Variants in LARGE1 observed in about 807,000 individuals in gnomAD.
LARGE1 encodes the protein LARGE xylosyl- and glucuronyltransferase 1.
A neutral mutation model predicts 87.6 loss-of-function variants in LARGE1; 43 were observed. That is an observed-to-expected ratio of 0.49 (90% CI 0.38 to 0.63). LARGE1 has a LOEUF of 0.63. Ranked by LOEUF, LARGE1 falls within the 30% of genes least tolerant of loss-of-function variation. The pLI is 0.00. For missense variants in LARGE1, 802 were observed against 1,000.2 expected (o/e 0.80, Z 2.67); for synonymous variants, 434 against 394.6 (o/e 1.10, Z -1.18).
chr22:33,166,484 T>C, exon 12 of LARGE1: 1 of 304,024 alleles, frequency 3.3e-6, no homozygotes, highest in Non-Finnish European at 6.5e-6. Flanking sequence ...ACGGGGATGT[T>C]CACCTGGCAT....
intron 6 of LARGE1, among the ~76,000 whole-genome samples, chr22:33,475,952 A>T (rs1048846963): frequency 6.6e-6 from 1 of 152,220 alleles, no homozygotes; most frequent in Non-Finnish European, 1.5e-5. Flanking sequence ...GCCAAAGATA[A>T]AAGTCAAGCT....
chr22:33,254,491 C>A (rs970578981), intron 11 of LARGE1, among the ~76,000 whole-genome samples: 1 of 152,178 alleles, frequency 6.6e-6, no homozygotes, highest in Non-Finnish European at 1.5e-5. Flanking sequence ...CCGTGCTAAG[C>A]AAATGTGCTA....
At chr22:33,323,036 C>T (rs1042991328) in intron 10 of LARGE1, among the ~76,000 whole-genome samples, 26 of 152,218 alleles carry the variant, frequency 1.7e-4, no homozygotes, top group African/African-American at 5.8e-4. Flanking sequence ...GCAGGAGAAT[C>T]GTTTGAACCT....
chr22:33,822,317 C>T (rs1298317590), intron 1 of LARGE1, among the ~76,000 whole-genome samples: 3 of 152,198 alleles, frequency 2.0e-5, no homozygotes, highest in African/African-American at 7.2e-5. Context: ...GCTCAGGTTT[C>T]TGGCCGGCAT....
intron 6 of LARGE1, among the ~76,000 whole-genome samples, chr22:33,527,945 C>T (rs755495113): frequency 1.3e-5 from 2 of 152,100 alleles, no homozygotes; most frequent in African/African-American, 4.8e-5. Context: ...TTGAACAGAT[C>T]TTAATCTTTC....
chr22:33,634,221 G>A (rs531440802), intron 3 of LARGE1, among the ~76,000 whole-genome samples: 6 of 152,280 alleles, frequency 3.9e-5, no homozygotes, highest in African/African-American at 4.8e-5. Flanking sequence ...CATGGAGTAA[G>A]TGGCTCTCCA....
At chr22:33,828,886 C>T (rs2062876842) in intron 1 of LARGE1, among the ~76,000 whole-genome samples, 1 of 152,132 alleles carries the variant, frequency 6.6e-6, no homozygotes, top group Non-Finnish European at 1.5e-5. Context: ...GGTCCGTGTA[C>T]TTGCTATTCC....
chr22:33,141,702 C>T, the LARGE1 span, among the ~76,000 whole-genome samples: 1 of 152,156 alleles, frequency 6.6e-6, no homozygotes, highest in Admixed American at 6.5e-5. Flanking sequence ...CAAGCACCCA[C>T]TCTACATACA....
chr22:33,312,629 C>T (rs1459899752), intron 11 of LARGE1, among the ~76,000 whole-genome samples: 1 of 152,042 alleles, frequency 6.6e-6, no homozygotes, highest in Admixed American at 6.5e-5. Context: ...GAATATTTTG[C>T]TGATAATCTG....
At chr22:33,767,066 C>A (rs2084931025) in intron 1 of LARGE1, among the ~76,000 whole-genome samples, 1 of 150,906 alleles carries the variant, frequency 6.6e-6, no homozygotes, top group Non-Finnish European at 1.5e-5. Context: ...GTAATCTCAG[C>A]ACTTTGGGAG....
chr22:33,697,162 C>T (rs1257951917), intron 2 of LARGE1, among the ~76,000 whole-genome samples: 1 of 152,100 alleles, frequency 6.6e-6, no homozygotes, highest in South Asian at 2.1e-4. Context: ...CAAGCATGAA[C>T]AAGGGATGTT....
chr22:33,239,183 T>C (rs994102198), intron 11 of LARGE1, among the ~76,000 whole-genome samples: 3 of 152,036 alleles, frequency 2.0e-5, no homozygotes, highest in African/African-American at 4.8e-5. Flanking sequence ...CATTATTGTT[T>C]CTCTGTTCAT....
intron 2 of LARGE1, chr22:33,725,572 T>C (rs1053072073): frequency 6.6e-6 from 1 of 152,210 alleles, no homozygotes; most frequent in African/African-American, 2.4e-5. Context: ...CATGCAGACA[T>C]GCCTCTCAAG....
chr22:33,517,238 G>C, intron 6 of LARGE1, among the ~76,000 whole-genome samples: 1 of 152,040 alleles, frequency 6.6e-6, no homozygotes, highest in Non-Finnish European at 1.5e-5. Context: ...TGAAAAATTG[G>C]AAAGTGGCTA....
chr22:33,382,530 T>C (rs930280898), intron 8 of LARGE1, among the ~76,000 whole-genome samples: 2 of 152,140 alleles, frequency 1.3e-5, no homozygotes, highest in East Asian at 3.9e-4. Context: ...GTGGACTCAG[T>C]GATGGATGCT....
intron 1 of LARGE1, among the ~76,000 whole-genome samples, chr22:33,824,608 T>C (rs867851429): frequency 1.3e-5 from 2 of 152,278 alleles, no homozygotes; most frequent in South Asian, 4.1e-4. Flanking sequence ...CTTTCACCTG[T>C]AGACATTCAT....
At chr22:33,628,406 C>T (rs950765518) in intron 3 of LARGE1, among the ~76,000 whole-genome samples, 2 of 151,772 alleles carry the variant, frequency 1.3e-5, no homozygotes, top group Admixed American at 1.3e-4. Context: ...AACCTCTGCC[C>T]CCCAGGTTCA....
At chr22:33,712,394 G>T (rs748724448) in intron 2 of LARGE1, among the ~76,000 whole-genome samples, 1 of 152,010 alleles carries the variant, frequency 6.6e-6, no homozygotes, top group Non-Finnish European at 1.5e-5. Context: ...TCACAGGCTC[G>T]AAGGCTTCTA....
intron 9 of LARGE1, among the ~76,000 whole-genome samples, chr22:33,354,895 C>T (rs1286195006): frequency 6.6e-6 from 1 of 152,146 alleles, no homozygotes; most frequent in Non-Finnish European, 1.5e-5. Flanking sequence ...TAATGAAGCA[C>T]ATTCAATAAT....
Sources: gnomAD v4.1 joint callset for allele counts (sites outside exome capture counted in the v4.1 genomes callset) on GRCh38, gnomAD v4.1.1 for gene constraint, MANE v1.5 for transcripts, NCBI Gene and HGNC (gene_info 2026-07-23, HGNC 2026-07-21) for gene names.